Variants in BCL2 observed in about 807,000 individuals in gnomAD.
BCL2 encodes the protein BCL2 apoptosis regulator, also known as apoptosis regulator Bcl-2.
Under a neutral mutation model 14.2 loss-of-function variants are expected in BCL2, and 1 was observed. That is an observed-to-expected ratio of 0.07 (90% CI 0.02 to 0.33). The LOEUF is 0.33. BCL2 is among the 10% of genes least tolerant of loss of function. BCL2 has a pLI of 0.99. For missense variants in BCL2, 247 were observed against 305.9 expected (o/e 0.81, Z 1.44); for synonymous variants, 151 against 137.2 (o/e 1.10, Z -0.70).
chr18:63,283,880 C>T (rs1337430435), intron 2 of BCL2, among the ~76,000 whole-genome samples: 1 of 152,220 alleles, frequency 6.6e-6, no homozygotes, highest in East Asian at 1.9e-4. Flanking sequence ...ATTCTTCCTG[C>T]TTCCTAGTTT....
chr18:63,164,315 C>T (rs750917235), intron 2 of BCL2, among the ~76,000 whole-genome samples: 1 of 152,202 alleles, frequency 6.6e-6, no homozygotes, highest in Non-Finnish European at 1.5e-5. Flanking sequence ...AACATAAACT[C>T]AATACAACTC....
intron 2 of BCL2, chr18:63,317,410 G>A (rs1261386651): frequency 5.2e-6 from 2 of 385,172 alleles, no homozygotes; most frequent in East Asian, 1.6e-4. Flanking sequence ...ATACTCCTCA[G>A]GACACCTCAT....
intron 2 of BCL2, among the ~76,000 whole-genome samples, chr18:63,179,219 C>T (rs1420299381): frequency 2.6e-5 from 4 of 152,218 alleles, no homozygotes; most frequent in African/African-American, 9.6e-5. Flanking sequence ...CTGAACATTT[C>T]CTGTGAGTTG....
At chr18:63,211,396 C>A (rs4987788) in intron 2 of BCL2, among the ~76,000 whole-genome samples, 8,241 of 152,172 alleles carry the variant, frequency 0.054, 340 homozygotes, top group East Asian at 0.11. Flanking sequence ...CAGAAATCTG[C>A]CACTTGAGAG....
chr18:63,277,924 C>A (rs995692476), intron 2 of BCL2, among the ~76,000 whole-genome samples: 13 of 152,228 alleles, frequency 8.5e-5, no homozygotes, highest in Non-Finnish European at 8.8e-5. Context: ...ATCCTCCCAA[C>A]TCACTGTACA....
chr18:63,139,854 G>T (rs1042204320), intron 2 of BCL2, among the ~76,000 whole-genome samples: 5 of 152,134 alleles, frequency 3.3e-5, no homozygotes, highest in Admixed American at 2.0e-4. Flanking sequence ...GTTTCGGGGG[G>T]AAGTATCAAG....
Position 63,126,765 on chromosome 18 carries a change from G to A in BCL2, c.*1860C>T, listed in dbSNP as rs1913920808. ...ACCTTTGCTCACAAATAGTGTATAG[G>A]CCATAACTAAATACAATTAAAAACA... On this transcript the variant is annotated 3_prime_UTR_variant, in exon 3 of 3. Transcript: ENST00000333681. The A allele has an allele frequency of 1.3e-5, 3 of 225,878 alleles. No individual in the cohort carries two copies. In the South Asian group the frequency reaches 5.5e-4, roughly 42 times the overall value. 14.0% of individuals were successfully genotyped at this position (225,878 alleles called of 1,614,324 possible). A position where few individuals can be genotyped will look rare whatever the true frequency, so the allele number is the denominator to read the frequency against.
chr18:63,218,618 C>T (rs112351155), intron 2 of BCL2, among the ~76,000 whole-genome samples: 1 of 53,810 alleles, frequency 1.9e-5, no homozygotes, highest in Non-Finnish European at 4.3e-5. Context: ...ACTCATCCCC[C>T]TCCACTCATC....
At chr18:63,237,110 A>T (rs1167836441) in intron 2 of BCL2, among the ~76,000 whole-genome samples, 1 of 152,082 alleles carries the variant, frequency 6.6e-6, no homozygotes, top group Non-Finnish European at 1.5e-5. Context: ...GGTCCCCATA[A>T]ACGCCGCTGG....
intron 2 of BCL2, among the ~76,000 whole-genome samples, chr18:63,204,934 G>A (rs760239875): frequency 2.0e-5 from 3 of 152,172 alleles, no homozygotes; most frequent in Non-Finnish European, 4.4e-5. Flanking sequence ...ATGGATGGGC[G>A]CTGGATATAT....
intron 2 of BCL2, among the ~76,000 whole-genome samples, chr18:63,178,801 G>A (rs1015867149): frequency 6.6e-6 from 1 of 151,174 alleles, no homozygotes; most frequent in Non-Finnish European, 1.5e-5. Flanking sequence ...CTGCTTTGTT[G>A]TGAAATTGTC....
intron 2 of BCL2, among the ~76,000 whole-genome samples, chr18:63,189,649 G>GC (rs1192327467): frequency 1.3e-5 from 2 of 152,012 alleles, no homozygotes; most frequent in African/African-American, 4.8e-5. Context: ...TTTTGAGGAA[G>GC]CCCCCCAGAT....
chr18:63,200,514 G>A (rs1227501897), intron 2 of BCL2, among the ~76,000 whole-genome samples: 1 of 152,108 alleles, frequency 6.6e-6, no homozygotes, highest in Non-Finnish European at 1.5e-5. Context: ...AGCCATCTTT[G>A]AAGGGACTGG....
At chr18:63,302,768 G>A (rs189218577) in intron 2 of BCL2, 37 of 985,292 alleles carry the variant, frequency 3.8e-5, no homozygotes, top group East Asian at 1.1e-4. Flanking sequence ...TCAGAATTTC[G>A]CGTTTAAGTT....
intron 2 of BCL2, among the ~76,000 whole-genome samples, chr18:63,179,931 TTTAGC>T (rs1371939497): frequency 6.6e-6 from 1 of 152,234 alleles, no homozygotes; most frequent in African/African-American, 2.4e-5. Context: ...TGATCATTCA[TTTAGC>T]TTTCTCTTTT....
intron 2 of BCL2, among the ~76,000 whole-genome samples, chr18:63,161,069 C>T (rs1914909586): frequency 6.6e-6 from 1 of 151,990 alleles, no homozygotes; most frequent in South Asian, 2.1e-4. Context: ...CAAAATGGTA[C>T]CCTGAGGTGA....
chr18:63,296,388 C>T (rs1300507661), intron 2 of BCL2, among the ~76,000 whole-genome samples: 1 of 152,072 alleles, frequency 6.6e-6, no homozygotes, highest in African/African-American at 2.4e-5. Context: ...GCCTCAACCT[C>T]CCATCTCAGC....
intron 2 of BCL2, among the ~76,000 whole-genome samples, chr18:63,256,565 G>A (rs973017466): frequency 7.2e-5 from 11 of 152,264 alleles, no homozygotes; most frequent in African/African-American, 2.2e-4. Flanking sequence ...TTACTCAAGG[G>A]CTACATATAT....
chr18:63,309,644 CT>C lies in BCL2; in HGVS notation c.585+8437del, dbSNP rs1252570717. Among the ~76,000 whole-genome samples, 13 of 152,242 alleles carry C rather than the reference CT, an allele frequency of 8.5e-5. No individual in the cohort carries two copies. The East Asian group carries it at 2.3e-3, about 27-fold the overall frequency. On this transcript the variant is annotated intron_variant, in intron 2 of 2. Transcript: ENST00000333681. The stretch of plus-strand genomic sequence containing the variant: ...CCAGGCTCAGTCACTGTCAATCTTC[CT>C]CCCACGCACACATCCTGCCTTGTCT...
Sources: allele counts gnomAD v4.1 joint callset (sites outside exome capture counted in the v4.1 genomes callset), GRCh38; gene constraint gnomAD v4.1.1; transcripts MANE v1.5; gene names NCBI Gene and HGNC (gene_info 2026-07-23, HGNC 2026-07-21).